The following STAU2 variants were observed in gnomAD, a reference collection of about 807,000 sequenced individuals.
The protein encoded by STAU2 is staufen double-stranded RNA binding protein 2.
A neutral mutation model predicts 65.9 loss-of-function variants in STAU2; 20 were observed. That is an observed-to-expected ratio of 0.30 (90% CI 0.21 to 0.44). The LOEUF (loss-of-function observed/expected upper bound fraction) is 0.44, where lower values mean the gene tolerates loss of function less well. STAU2 is among the 20% of genes least tolerant of loss of function. The pLI is 1.00. For synonymous variants in STAU2, 232 were observed against 233.9 expected, an observed-to-expected ratio of 0.99 and a Z score of 0.07; for missense variants, 558 against 683.9, an observed-to-expected ratio of 0.82 and a Z score of 2.05.
intron 6 of STAU2, among the ~76,000 whole-genome samples, chr8:73,650,958 C>A (rs890789191): frequency 6.6e-6 from 1 of 152,234 alleles, no homozygotes; most frequent in African/African-American, 2.4e-5. Flanking sequence ...AAAGGAACAT[C>A]TTTGAGGAAA....
intron 13 of STAU2, among the ~76,000 whole-genome samples, chr8:73,474,636 T>C (rs1053991937): frequency 6.6e-6 from 1 of 152,038 alleles, no homozygotes; most frequent in African/African-American, 2.4e-5. Context: ...TTAATGGGTG[T>C]GTCTTTTAGG....
chr8:73,681,341 C>G (rs1045540208), intron 5 of STAU2, among the ~76,000 whole-genome samples: 1 of 152,112 alleles, frequency 6.6e-6, no homozygotes, highest in African/African-American at 2.4e-5. Context: ...AATTATCAGT[C>G]AAGAATTTTA....
At chr8:73,651,932 G>C (rs1815914494) in intron 6 of STAU2, among the ~76,000 whole-genome samples, 2 of 152,234 alleles carry the variant, frequency 1.3e-5, no homozygotes, top group Non-Finnish European at 2.9e-5. Context: ...GAGATTTCTG[G>C]AGAATATATT....
chr8:73,586,374 T>A (rs188929155), intron 11 of STAU2, among the ~76,000 whole-genome samples: 1 of 152,222 alleles, frequency 6.6e-6, no homozygotes, highest in Admixed American at 6.5e-5. Context: ...AATCTCCCTA[T>A]CAACTCTTTG....
intron 3 of STAU2, among the ~76,000 whole-genome samples, chr8:73,710,376 CTTTTT>C (rs11389924): frequency 7.5e-6 from 1 of 133,664 alleles, no homozygotes; most frequent in Non-Finnish European, 1.6e-5. Flanking sequence ...GGCTTCTATC[CTTTTT>C]TTTTTTTTTT....
intron 3 of STAU2, among the ~76,000 whole-genome samples, chr8:73,730,340 G>A: frequency 6.6e-6 from 1 of 152,112 alleles, no homozygotes; most frequent in Non-Finnish European, 1.5e-5. Flanking sequence ...GACTGGAGAA[G>A]ATACATAGCA....
At chr8:73,521,071 T>C (rs904514165) in intron 13 of STAU2, among the ~76,000 whole-genome samples, 5 of 152,104 alleles carry the variant, frequency 3.3e-5, no homozygotes, top group Admixed American at 1.3e-4. Flanking sequence ...TATATTATTG[T>C]TGTGATAATG....
rs537662204 is a variant in STAU2, at chr8:73,714,593, C to T, written c.-17-5431G>A. On this transcript the variant is annotated intron_variant, in intron 3 of 14. Transcript: ENST00000524300. Reference sequence around the variant, plus strand: ...TTTCACAAAAACTAACGGAAATTAGCTAAATATCTGTCATACTCCTGTAAC... The same window carrying T: ...TTTCACAAAAACTAACGGAAATTAGTTAAATATCTGTCATACTCCTGTAAC... Among the ~76,000 whole-genome samples the T allele has an allele frequency of 2.0e-4, 30 of 151,906 alleles. No individual in the cohort carries two copies. In the East Asian group the frequency reaches 5.6e-3, roughly 29 times the overall value.
intron 6 of STAU2, among the ~76,000 whole-genome samples, chr8:73,633,977 C>A (rs745446837): frequency 6.6e-6 from 1 of 150,588 alleles, no homozygotes; most frequent in African/African-American, 2.4e-5. Flanking sequence ...GACTCCATCT[C>A]AAAAAAAAGA....
chr8:73,667,953 G>A (rs976322702), intron 6 of STAU2, among the ~76,000 whole-genome samples: 1 of 152,194 alleles, frequency 6.6e-6, no homozygotes, highest in Non-Finnish European at 1.5e-5. Context: ...TTGCTTTTGA[G>A]GAACCGCTCC....
At chr8:73,655,774 GAGTAGCTGGGA>G (rs1816318819) in intron 6 of STAU2, among the ~76,000 whole-genome samples, 1 of 147,498 alleles carries the variant, frequency 6.8e-6, no homozygotes. Flanking sequence ...TCAGCCTCCC[GAGTAGCTGGGA>G]CTACAGGTGC....
At chr8:73,623,039 T>C (rs1339601353) in intron 6 of STAU2, among the ~76,000 whole-genome samples, 1 of 152,236 alleles carries the variant, frequency 6.6e-6, no homozygotes, top group African/African-American at 2.4e-5. Context: ...ATCTTCAAGA[T>C]ACCACAAGTC....
intron 4 of STAU2, among the ~76,000 whole-genome samples, chr8:73,700,371 A>T (rs1820010264): frequency 6.6e-6 from 1 of 152,154 alleles, no homozygotes; most frequent in African/African-American, 2.4e-5. Flanking sequence ...GGAAAAGAAG[A>T]AGTCAAATTA....
At chr8:73,721,208 T>G (rs1821645215) in intron 3 of STAU2, among the ~76,000 whole-genome samples, 1 of 143,732 alleles carries the variant, frequency 7.0e-6, no homozygotes, top group South Asian at 2.2e-4. Context: ...GAGGATTGTT[T>G]GAGCCCAGGA....
intron 3 of STAU2, among the ~76,000 whole-genome samples, chr8:73,725,824 T>C (rs1805582007): frequency 6.6e-6 from 1 of 152,084 alleles, no homozygotes; most frequent in African/African-American, 2.4e-5. Flanking sequence ...TCCCAGCTAC[T>C]TGAGAGGCTG....
chr8:73,456,490 G>T (rs757560391), intron 13 of STAU2, among the ~76,000 whole-genome samples: 7 of 152,108 alleles, frequency 4.6e-5, no homozygotes, highest in Admixed American at 1.3e-4. Context: ...AGGATGTAAA[G>T]AAATTGGAAA....
chr8:73,556,579 A>C (rs868786335), intron 12 of STAU2, among the ~76,000 whole-genome samples: 10 of 152,236 alleles, frequency 6.6e-5, no homozygotes, highest in African/African-American at 2.2e-4. Flanking sequence ...AACATGTTGA[A>C]ACCCCGTCTC....
Position 73,725,268 on chromosome 8 carries a change from C to A in STAU2, c.-18+13016G>T, listed in dbSNP as rs190148935. ...CTTTTAGACTGATTATTTTTAGTAC[C>A]CATTTTATATCCTACATAGGCTTAC... On this transcript the variant is annotated intron_variant, in intron 3 of 14. Transcript: ENST00000524300. Among the ~76,000 whole-genome samples the A allele has an allele frequency of 4.1e-3, 624 of 152,116 alleles. 7 individuals are homozygous for A. The highest frequency in any genetic ancestry group is 6.6e-3 in the South Asian group (32 of 4,822).
intron 13 of STAU2, among the ~76,000 whole-genome samples, chr8:73,439,491 G>A (rs927209496): frequency 2.6e-5 from 4 of 152,184 alleles, no homozygotes; most frequent in East Asian, 3.9e-4. Context: ...GGGGGTGCAC[G>A]CCTGTAATCC....
Sources: gnomAD v4.1 joint callset for allele counts (sites outside exome capture counted in the v4.1 genomes callset) on GRCh38, gnomAD v4.1.1 for gene constraint, MANE v1.5 for transcripts, NCBI Gene and HGNC (gene_info 2026-07-23, HGNC 2026-07-21) for gene names.